Variants in MAPT observed in about 807,000 individuals in gnomAD.
MAPT encodes the protein microtubule-associated protein tau.
Under a neutral mutation model 67.9 loss-of-function variants are expected in MAPT, and 34 were observed. The ratio of observed to expected loss-of-function variants is 0.50; its 90% confidence interval spans 0.38 to 0.67. The LOEUF (loss-of-function observed/expected upper bound fraction) is 0.67, where lower values mean the gene tolerates loss of function less well. Ranked by LOEUF, MAPT falls within the 30% of genes least tolerant of loss-of-function variation. The pLI is 0.00. For synonymous variants in MAPT, 456 were observed against 464.5 expected, an observed-to-expected ratio of 0.98 and a Z score of 0.23; for missense variants, 881 against 1,115.2, an observed-to-expected ratio of 0.79 and a Z score of 2.99.
chr17:45,980,753 G>C (rs552994628), intron 4 of MAPT, among the ~76,000 whole-genome samples: 2 of 152,290 alleles, frequency 1.3e-5, no homozygotes, highest in Non-Finnish European at 2.9e-5. Flanking sequence ...AGCTCTAGGA[G>C]GAAAGCGACT....
At position 45,971,136 on chromosome 17, in the gene MAPT, G is replaced by A. The variant is rs12453019; in HGVS notation, c.134-723G>A. Among the ~76,000 whole-genome samples, 4,063 of 152,162 alleles carry A rather than the reference G, an allele frequency of 0.027. 199 individuals carry two copies. The highest frequency in any genetic ancestry group is 0.093 in the African/African-American group (3,861 of 41,500). ...AATTCAGCCCTTCTAGGAGGAGGAG[G>A]AGGTAGTTTTCTCATTTCTATTAAG... is the stretch of plus-strand genomic sequence containing the variant. On this transcript the variant is annotated intron_variant, in intron 2 of 12. Coordinates refer to ENST00000262410, the MANE Select transcript of MAPT (RefSeq NM_001377265.1). This position sits in a 1 kb window ranked among gnomAD's most constrained non-coding sequence, Gnocchi z 4.3.
intron 7 of MAPT, 151 bp downstream of exon 7, chr17:45,990,226 G>A (rs2073951745): frequency 6.7e-6 from 5 of 746,074 alleles, no homozygotes; most frequent in South Asian, 6.6e-5. Context: ...TCTGGGCAAA[G>A]GGGAAAAGAG....
At chr17:45,984,667 C>T (rs2073363830) in intron 5 of MAPT, among the ~76,000 whole-genome samples, 1 of 152,244 alleles carries the variant, frequency 6.6e-6, no homozygotes, top group South Asian at 2.1e-4. Flanking sequence ...ATGCCACCAC[C>T]TCCCTCTGCA....
intron 12 of MAPT, among the ~76,000 whole-genome samples, chr17:46,021,619 A>G (rs1257146195): frequency 6.6e-6 from 1 of 152,204 alleles, no homozygotes; most frequent in Non-Finnish European, 1.5e-5. Context: ...TCTCAGCCTC[A>G]GTTTCTCCTT....
Position 45,950,535 on chromosome 17 carries a change from C to T in MAPT, c.-17-11786C>T, listed in dbSNP as rs571086203. 2.6e-5 allele frequency among the ~76,000 whole-genome samples: 4 copies of T among 152,256 alleles called. No homozygotes were observed. In the South Asian group the frequency reaches 6.2e-4, roughly 24 times the overall value. ...CTGGGCCCCTGCCAGGCTCCTTCCT[C>T]GGCCACGCACTCCCCTTCCTGCACA... On this transcript the variant is annotated intron_variant, in intron 1 of 12. Coordinates refer to ENST00000262410, the MANE Select transcript of MAPT (RefSeq NM_001377265.1).
At chr17:45,950,437 T>C (rs951553313) in intron 1 of MAPT, among the ~76,000 whole-genome samples, 1 of 151,704 alleles carries the variant, frequency 6.6e-6, no homozygotes, top group Non-Finnish European at 1.5e-5. Flanking sequence ...CACCTGCACA[T>C]CCCTGTCCCT....
intron 1 of MAPT, among the ~76,000 whole-genome samples, chr17:45,922,543 A>G (rs1028938239): frequency 2.1e-5 from 3 of 144,476 alleles, no homozygotes; most frequent in Non-Finnish European, 3.1e-5. Context: ...AGTCAGTTTT[A>G]TATTCTACCT....
At position 45,987,045 on chromosome 17, in the gene MAPT, A is replaced by T. The variant is rs763459583; in HGVS notation, c.1357A>T (p.Met453Leu). 1.9e-6 allele frequency: 3 copies of T among 1,613,906 alleles called. No individual in the cohort carries two copies. The highest frequency in any genetic ancestry group is 1.3e-5 in the African/African-American group (1 of 75,034). ...VSRVPQLKAR[M>L]VSKSKDGTGS... Reference sequence around the variant, plus strand: ...CTTATTTTATATTTTATCAGCTCGCATGGTCAGTAAAAGCAAAGACGGGAC... The same window carrying T: ...CTTATTTTATATTTTATCAGCTCGCTTGGTCAGTAAAAGCAAAGACGGGAC... Residue 453 changes from methionine (M) to leucine (L), a missense_variant, in exon 6 of 13, where the codon ATG becomes TTG. Around this residue, in one of 6 missense-constraint regions of MAPT, gnomAD observed 687 missense variants for 766.1 expected, o/e 0.90. Transcript: ENST00000262410.
chr17:45,929,099 G>T (rs1031492875), intron 1 of MAPT, among the ~76,000 whole-genome samples: 68 of 152,124 alleles, frequency 4.5e-4, no homozygotes, highest in African/African-American at 1.6e-3. Flanking sequence ...TTTTTTTAAT[G>T]AATAAATAAA....
intron 5 of MAPT, chr17:45,985,613 G>A: frequency 1.1e-6 from 1 of 920,780 alleles, no homozygotes; most frequent in Non-Finnish European, 1.3e-6. Context: ...GAAGGTCACA[G>A]AGTGGGTTTC....
In MAPT at chr17:45,996,351, G is replaced by T. The variant is rs1345867930; in HGVS notation, c.1733-48G>T. 1.2e-6 allele frequency: 2 copies of T among 1,602,088 alleles called. No individual in the cohort carries two copies. Among genetic ancestry groups the T allele is most frequent in the Admixed American group, 1.7e-5 (1 of 59,978 alleles). On this transcript the variant is annotated intron_variant, in intron 8 of 12. Coordinates refer to ENST00000262410, the MANE Select transcript of MAPT (RefSeq NM_001377265.1). The surrounding 1 kb of genome is among the most constrained non-coding windows in gnomAD (Gnocchi z 4.5). ...ACAGGCAGCCCCCAGGGCCTTTTCT[G>T]ACCCCACCCACTCGAGTCCTGGCTT...
chr17:45,946,615 A>AAAAAAAAAAATATATATATATATATATAT, intron 1 of MAPT, among the ~76,000 whole-genome samples: 4 of 100,386 alleles, frequency 4.0e-5, no homozygotes, highest in Admixed American at 1.1e-4. Flanking sequence ...AAAAAAAAAA[A>AAAAAAAAAAATATATATATATATATATAT]ATATATATAT....
intron 9 of MAPT, among the ~76,000 whole-genome samples, chr17:45,997,379 C>T (rs749110225): frequency 2.0e-5 from 3 of 152,176 alleles, no homozygotes; most frequent in African/African-American, 7.2e-5. Context: ...TCTCTGTGGC[C>T]GTGGGTAGCC....
chr17:45,980,228 C>A (rs116052775), intron 4 of MAPT: 1 of 152,300 alleles, frequency 6.6e-6, no homozygotes. Flanking sequence ...AGGCTGGGTG[C>A]GGTGGCTCAT....
chr17:45,942,704 C>A (rs2068105945), intron 1 of MAPT, among the ~76,000 whole-genome samples: 1 of 152,200 alleles, frequency 6.6e-6, no homozygotes, highest in African/African-American at 2.4e-5. Context: ...TTTGAAAATA[C>A]AAACAGGAGA....
At chr17:45,924,358 C>T (rs568979099) in intron 1 of MAPT, among the ~76,000 whole-genome samples, 137 of 152,342 alleles carry the variant, frequency 9.0e-4, no homozygotes, top group African/African-American at 3.0e-3. Flanking sequence ...CAGTTCCTCA[C>T]CATTAGCAGG....
chr17:45,992,238 C>T (rs1039687519), intron 8 of MAPT, among the ~76,000 whole-genome samples: 34 of 152,208 alleles, frequency 2.2e-4, no homozygotes, highest in African/African-American at 8.0e-4. Flanking sequence ...GAGGAAAATG[C>T]AGTCACATGA....
intron 5 of MAPT, among the ~76,000 whole-genome samples, chr17:45,984,133 C>T (rs1230262127): frequency 2.0e-5 from 3 of 152,218 alleles, no homozygotes; most frequent in Non-Finnish European, 2.9e-5. Context: ...GCGCCCCTCA[C>T]GCTTGCCCGC....
Position 46,010,059 on chromosome 17 carries a change from G to A in MAPT, c.1999-251G>A, listed in dbSNP as rs768094053. On this transcript the variant is annotated intron_variant, in intron 9 of 12. Transcript: ENST00000262410. The surrounding 1 kb of genome is among the most constrained non-coding windows in gnomAD (Gnocchi z 4.7). ...CTGCAATCCCAGCTTCGTAAAGCCCGCTGGAAATCACTCACACTTCTGGGA... is the reference window on the plus strand; with the variant it reads ...CTGCAATCCCAGCTTCGTAAAGCCCACTGGAAATCACTCACACTTCTGGGA... 6.6e-6 allele frequency among the ~76,000 whole-genome samples: 1 copy of A among 152,158 alleles called. No homozygotes were observed. Among genetic ancestry groups the A allele is most frequent in the African/African-American group, 2.4e-5 (1 of 41,432 alleles).
Sources: gnomAD v4.1 joint callset for allele counts (sites outside exome capture counted in the v4.1 genomes callset) on GRCh38, gnomAD v4.1.1 for gene constraint, gnomAD v4.1.1 regional missense constraint, Gnocchi (gnomAD v3.1) non-coding constraint, MANE v1.5 for transcripts, NCBI Gene and HGNC (gene_info 2026-07-23, HGNC 2026-07-21) for gene names.